The following SHMT2 variants were observed in gnomAD, a reference collection of about 807,000 sequenced individuals.
SHMT2 encodes serine hydroxymethyltransferase 2.
SHMT2 carries 38 observed loss-of-function variants against 59.6 expected under a neutral mutation model. That is an observed-to-expected ratio of 0.64 (90% confidence interval 0.49 to 0.84). SHMT2 has a LOEUF of 0.84. SHMT2 is among the 40% of genes least tolerant of loss of function. SHMT2 has a pLI of 0.00. For synonymous variants in SHMT2, 254 were observed against 258.1 expected, an observed-to-expected ratio of 0.98 and a Z score of 0.15; for missense variants, 533 against 659.5, an observed-to-expected ratio of 0.81 and a Z score of 2.10.
At chr12:57,231,606 A>G (rs771249894) in intron 3 of SHMT2, 46 bp downstream of exon 3, 6 of 1,610,034 alleles carry the variant, frequency 3.7e-6, no homozygotes, top group Non-Finnish European at 5.1e-6. Context: ...CCAGTGGGGG[A>G]ACCCACCTGT....
chr12:57,229,875 C>T (rs1228373043), intron 1 of SHMT2, 64 bp downstream of exon 1: 3 of 1,601,770 alleles, frequency 1.9e-6, no homozygotes, highest in Non-Finnish European at 2.6e-6. Flanking sequence ...TACCTTAGTT[C>T]CTAGTCACAA....
intron 2 of SHMT2, 39 bp downstream of exon 2, chr12:57,231,039 G>A (rs370219547): frequency 6.3e-7 from 1 of 1,590,260 alleles, no homozygotes; most frequent in Non-Finnish European, 8.6e-7. Context: ...GGGCCACCAT[G>A]GGTACAGGAA....
In SHMT2 at chr12:57,230,088, G is replaced by T. The variant is rs948121579; in HGVS notation, c.33+277G>T. 5.1e-6 allele frequency: 7 copies of T among 1,369,536 alleles called. No homozygotes were observed. In the African/African-American group the frequency reaches 8.8e-5, roughly 17 times the overall value. 84.8% of individuals were successfully genotyped at this position (1,369,536 alleles called of 1,614,324 possible). ...GAGAGGACAGCCCCGGATGCCCCGCGGACCCGGTGCTGGCAAATGAGCGGA... is the reference window on the plus strand; with the variant it reads ...GAGAGGACAGCCCCGGATGCCCCGCTGACCCGGTGCTGGCAAATGAGCGGA... On this transcript the variant is annotated intron_variant, in intron 1 of 11. Transcript: ENST00000328923.
rs1196341191 is a variant in SHMT2, at chr12:57,231,199, G to A, written c.231+199G>A. On this transcript the variant is annotated intron_variant, in intron 2 of 11. Coordinates refer to ENST00000328923, the MANE Select transcript of SHMT2 (RefSeq NM_005412.6). ...TTGGGACATTTAGGGAGCCTCCAGG[G>A]TCCCTACAGTTTCATCTGATCCCTT... 4 of 633,934 alleles carry A rather than the reference G, an allele frequency of 6.3e-6. No individual in the cohort carries two copies. The East Asian group carries it at 1.1e-4, about 17-fold the overall frequency. 39.3% of individuals were successfully genotyped at this position (633,934 alleles called of 1,614,324 possible). A position where few individuals can be genotyped will look rare whatever the true frequency, so the allele number is the denominator to read the frequency against.
Position 57,233,795 on chromosome 12 carries a change from C to T in SHMT2, c.1170C>T (p.Gly390=), listed in dbSNP as rs1388216300. 3 of 1,614,118 alleles carry T rather than the reference C, an allele frequency of 1.9e-6. No individual in the cohort carries two copies. The highest frequency in any genetic ancestry group is 2.5e-6 in the Non-Finnish European group (3 of 1,180,052). Residue 390 remains glycine (G), a synonymous_variant, in exon 10 of 12, where the codon GGC becomes GGT. Transcript: ENST00000328923. ...HLVLVDLRPK[G]LDGARAERVL... ...TGCTGGTGGACCTGCGGCCCAAGGG[C>T]CTGGATGGAGCTCGGGCTGAGCGGG...
In SHMT2 at chr12:57,234,319, G is replaced by A. The variant is rs749802474; in HGVS notation, c.1473G>A (p.Gln491=). 1 of 1,612,888 alleles carries A rather than the reference G, an allele frequency of 6.2e-7. No homozygotes were observed. Among genetic ancestry groups the A allele is most frequent in the Non-Finnish European group, 8.5e-7 (1 of 1,179,374 alleles). ...RLANLRQRVE[Q]FARAFPMPGF... is the part of the protein sequence containing the mutation. Reference sequence around the variant, plus strand: ...CCAACCTCAGGCAACGGGTGGAGCAGTTTGCCAGGGCCTTCCCCATGCCTG... The same window carrying A: ...CCAACCTCAGGCAACGGGTGGAGCAATTTGCCAGGGCCTTCCCCATGCCTG... The change falls in exon 12 of 12, where the codon CAG becomes CAA. Residue 491 remains glutamine, a synonymous_variant. Coordinates refer to ENST00000328923, the MANE Select transcript of SHMT2 (RefSeq NM_005412.6).
intron 2 of SHMT2, 37 bp downstream of exon 2, chr12:57,231,037 A>G (rs753465440): frequency 3.1e-6 from 5 of 1,592,782 alleles, no homozygotes; most frequent in Non-Finnish European, 2.6e-6. Flanking sequence ...TTGGGCCACC[A>G]TGGGTACAGG....
chr12:57,234,454 C>G lies in SHMT2; in HGVS notation c.*93C>G. The stretch of plus-strand genomic sequence containing the variant: ...TAGAAAGCCTTTCTATTTTTTGGTG[C>G]GGGAGGGAAGACCTCTCACTTAGGG... On this transcript the variant is annotated 3_prime_UTR_variant, in exon 12 of 12. Coordinates refer to ENST00000328923, the MANE Select transcript of SHMT2 (RefSeq NM_005412.6). 7.1e-7 allele frequency: 1 copy of G among 1,416,198 alleles called. No homozygotes were observed. Among genetic ancestry groups the G allele is most frequent in the Admixed American group, 2.5e-5 (1 of 40,056 alleles). 87.7% of individuals were successfully genotyped at this position (1,416,198 alleles called of 1,614,324 possible). A position where few individuals can be genotyped will look rare whatever the true frequency, so the allele number is the denominator to read the frequency against.
chr12:57,231,399 G>C, intron 2 of SHMT2, 82 bp from the exon 3 acceptor site: 1 of 1,450,050 alleles, frequency 6.9e-7, no homozygotes. Context: ...CCCGCTTTCA[G>C]CTCTGGCTCT....
At position 57,230,860 on chromosome 12, in the gene SHMT2, G is replaced by A. The variant is rs202041947; in HGVS notation, c.91G>A (p.Ala31Thr). ...GGCCATTCGGGCTCAGCACAGCAAC[G>A]CAGCCCAGACTCAGACTGGGGAAGC... Reference protein sequence around the residue: ...RMAIRAQHSNAAQTQTGEANR... With the variant: ...RMAIRAQHSNTAQTQTGEANR... Residue 31 changes from alanine (A) to threonine (T), a missense_variant, in exon 2 of 12, where the codon GCA becomes ACA. Coordinates refer to ENST00000328923, the MANE Select transcript of SHMT2 (RefSeq NM_005412.6). 55 of 1,614,128 alleles carry A rather than the reference G, an allele frequency of 3.4e-5. No individual in the cohort carries two copies. Among genetic ancestry groups the A allele is most frequent in the East Asian group, 2.7e-4 (12 of 44,878 alleles).
At chr12:57,232,139 G>A in intron 4 of SHMT2, 72 bp from the exon 5 acceptor site, 1 of 1,365,394 alleles carries the variant, frequency 7.3e-7, no homozygotes, top group East Asian at 2.3e-5. Flanking sequence ...ACAGAGAACT[G>A]TGGAGTTGAA....
rs1437905117 is a variant in SHMT2 at position 57,234,039 on chromosome 12, A to T, written c.1316A>T (p.Asp439Val). ...TTAACTTCTCGACAGTTCCGTGAGG[A>T]TGACTTCCGGAGAGTTGTGGACTTT... ...PALTSRQFRE[D>V]DFRRVVDFID... Residue 439 changes from aspartate to valine, a missense_variant, in exon 11 of 12, where the codon GAT becomes GTT. Physicochemically the swap from Asp to Val is radical, Grantham distance 152. Transcript: ENST00000328923. The T allele has an allele frequency of 1.2e-6, 2 of 1,614,118 alleles. No individual in the cohort carries two copies. Among genetic ancestry groups the T allele is most frequent in the South Asian group, 1.1e-5 (1 of 91,082 alleles).
At position 57,234,009 on chromosome 12, in the gene SHMT2, C is replaced by T. The variant is rs1240306259; in HGVS notation, c.1286C>T (p.Pro429Leu). Residue 429 changes from proline (P) to leucine (L), a missense_variant, in exon 11 of 12, where the codon CCA becomes CTA. Physicochemically the swap from Pro to Leu is moderately conservative, Grantham distance 98. Transcript: ENST00000328923. ...ITPGGLRLGA[P>L]ALTSRQFRED... Reference sequence around the variant, plus strand: ...CCCTTGTGCCTCGTTCCAGGGGCCCCAGCCTTAACTTCTCGACAGTTCCGT... The same window carrying T: ...CCCTTGTGCCTCGTTCCAGGGGCCCTAGCCTTAACTTCTCGACAGTTCCGT... The T allele has an allele frequency of 1.2e-6, 2 of 1,614,208 alleles. No individual in the cohort carries two copies. The highest frequency in any genetic ancestry group is 3.3e-5 in the Admixed American group (2 of 60,028).
chr12:57,230,985 G>A lies in SHMT2; in HGVS notation c.216G>A (p.Glu72=), dbSNP rs1022769651. ...REKDRQCRGL[E]LIASENFCSR... ...AGGACAGGCAGTGTCGTGGCCTGGA[G>A]CTCATTGCCTCAGAGGTGGGACCTG... The change falls in exon 2 of 12, where the codon GAG becomes GAA. Residue 72 remains glutamate (E), a synonymous_variant. Transcript: ENST00000328923. The A allele has an allele frequency of 6.2e-7, 1 of 1,613,558 alleles. No individual in the cohort carries two copies. Among genetic ancestry groups the A allele is most frequent in the Non-Finnish European group, 8.5e-7 (1 of 1,180,024 alleles).
Position 57,231,925 on chromosome 12 carries a change from TG to T in SHMT2, c.512+15del. 3 of 1,598,510 alleles carry T rather than the reference TG, an allele frequency of 1.9e-6. No individual in the cohort carries two copies. The highest frequency in any genetic ancestry group is 2.2e-5 in the South Asian group (2 of 89,454). Reference sequence around the variant, plus strand: ...CCCGATGGGGGCCAGTGAGTATGGATGGGCTGGCTGATGGTCTTGGCGGCAG... The same window carrying T: ...CCCGATGGGGGCCAGTGAGTATGGATGGCTGGCTGATGGTCTTGGCGGCAG... On this transcript the variant is annotated intron_variant, in intron 4 of 11. Coordinates refer to ENST00000328923, the MANE Select transcript of SHMT2 (RefSeq NM_005412.6).
Position 57,231,729 on chromosome 12 carries a change from G to A in SHMT2, c.328G>A (p.Glu110Lys). 6.2e-7 allele frequency: 1 copy of A among 1,614,164 alleles called. No individual in the cohort carries two copies. Among genetic ancestry groups the A allele is most frequent in the Non-Finnish European group, 8.5e-7 (1 of 1,180,040 alleles). The change falls in exon 4 of 12, where the codon GAG (glutamate) becomes AAG (lysine). Residue 110 changes from glutamate to lysine, a missense_variant. By Grantham distance (56) the Glu-to-Lys change is moderately conservative. Coordinates refer to ENST00000328923, the MANE Select transcript of SHMT2 (RefSeq NM_005412.6). The stretch of plus-strand genomic sequence containing the variant: ...CCACGGCAGATACTATGGGGGAGCA[G>A]AGGTGGTGGATGAAATTGAGCTGCT... ...YPGKRYYGGA[E>K]VVDEIELLCQ...
Position 57,230,914 on chromosome 12 carries a change from C to T in SHMT2, c.145C>T (p.Leu49=), listed in dbSNP as rs763506557. 7 of 1,614,094 alleles carry T rather than the reference C, an allele frequency of 4.3e-6. No individual in the cohort carries two copies. Among genetic ancestry groups the T allele is most frequent in the Non-Finnish European group, 5.1e-6 (6 of 1,180,028 alleles). The change falls in exon 2 of 12, where the codon CTG becomes TTG. Residue 49 remains leucine (L), a synonymous_variant. Transcript: ENST00000328923. The part of the protein sequence containing the change: ...ANRGWTGQES[L]SDSDPEMWEL... ...CAGGGGCTGGACAGGCCAGGAGAGC[C>T]TGTCGGACAGTGATCCTGAGATGTG... is the stretch of plus-strand genomic sequence containing the variant.
chr12:57,234,081 A>T lies in SHMT2; in HGVS notation c.1358A>T (p.Asn453Ile). Residue 453 changes from asparagine to isoleucine, a missense_variant, in exon 11 of 12, where the codon AAC (asparagine) becomes ATC (isoleucine). Asn to Ile is a moderately radical substitution (Grantham distance 149). Coordinates refer to ENST00000328923, the MANE Select transcript of SHMT2 (RefSeq NM_005412.6). ...RVVDFIDEGV[N>I]IGLEVKSKTA... Reference sequence around the variant, plus strand: ...GTGGACTTTATAGATGAAGGGGTCAACATTGGCTTAGAGGTGAAGAGCAAG... The same window carrying T: ...GTGGACTTTATAGATGAAGGGGTCATCATTGGCTTAGAGGTGAAGAGCAAG... 1 of 1,614,210 alleles carries T rather than the reference A, an allele frequency of 6.2e-7. No homozygotes were observed. Among genetic ancestry groups the T allele is most frequent in the Non-Finnish European group, 8.5e-7 (1 of 1,180,032 alleles).
chr12:57,229,815 A>G lies in SHMT2; in HGVS notation c.33+4A>G, dbSNP rs1479502345. On this transcript the variant is annotated splice_donor_region_variant and intron_variant, in intron 1 of 11. Transcript: ENST00000328923. ...CTCTTTGTTTTGGGCGGCTCGGGTAAGAATGGGGCTCCAAACGCTGGGTAA... is the reference window on the plus strand; with the variant it reads ...CTCTTTGTTTTGGGCGGCTCGGGTAGGAATGGGGCTCCAAACGCTGGGTAA... 1 of 1,614,186 alleles carries G rather than the reference A, an allele frequency of 6.2e-7. No individual in the cohort carries two copies. The highest frequency in any genetic ancestry group is 2.2e-5 in the East Asian group (1 of 44,884).
Sources: allele counts gnomAD v4.1 joint callset, GRCh38; gene constraint gnomAD v4.1.1; transcripts MANE v1.5; gene names NCBI Gene and HGNC (gene_info 2026-07-23, HGNC 2026-07-21).